The following NRXN1 variants were observed in gnomAD, a reference collection of about 807,000 sequenced individuals.
NRXN1 encodes the protein neurexin-1.
A neutral mutation model predicts 150.9 loss-of-function variants in NRXN1; 39 were observed. The ratio of observed to expected loss-of-function variants is 0.26; its 90% confidence interval spans 0.20 to 0.34. The LOEUF is 0.34. Ranked by LOEUF, NRXN1 falls within the 10% of genes least tolerant of loss-of-function variation. The pLI, the probability that NRXN1 is intolerant of heterozygous loss-of-function variation, is 1.00. For synonymous variants in NRXN1, 924 were observed against 757.0 expected, an observed-to-expected ratio of 1.22 and a Z score of -3.62; for missense variants, 1,815 against 1,949.9, an observed-to-expected ratio of 0.93 and a Z score of 1.30.
chr2:50,312,819 T>C (rs2075288603), intron 17 of NRXN1: 1 of 493,668 alleles, frequency 2.0e-6, no homozygotes, highest in African/African-American at 1.9e-5. Flanking sequence ...ATGGTAAAAT[T>C]AAACCACCCT....
At chr2:50,782,948 T>C (rs934756247) in intron 5 of NRXN1, among the ~76,000 whole-genome samples, 9 of 152,176 alleles carry the variant, frequency 5.9e-5, no homozygotes, top group Non-Finnish European at 1.5e-5. Context: ...AACTAACTCA[T>C]AGCATTTTTT....
intron 2 of NRXN1, among the ~76,000 whole-genome samples, chr2:50,993,420 T>A (rs923989693): frequency 2.6e-5 from 4 of 151,912 alleles, no homozygotes; most frequent in African/African-American, 9.7e-5. Flanking sequence ...CCTTTGATTC[T>A]CAGATATTTT....
intron 2 of NRXN1, among the ~76,000 whole-genome samples, chr2:50,982,763 G>C (rs1272168488): frequency 3.3e-5 from 5 of 152,014 alleles, no homozygotes; most frequent in Admixed American, 6.6e-5. Context: ...TGCATGTCTA[G>C]TTGATCATTT....
chr2:50,186,692 G>A (rs544469910), intron 18 of NRXN1, among the ~76,000 whole-genome samples: 130 of 152,106 alleles, frequency 8.5e-4, no homozygotes, highest in Non-Finnish European at 1.4e-3. Context: ...CTCAAAGGCC[G>A]AAAAGACATA....
chr2:50,170,470 C>T (rs1454231501), intron 18 of NRXN1, among the ~76,000 whole-genome samples: 1 of 151,834 alleles, frequency 6.6e-6, no homozygotes, highest in Non-Finnish European at 1.5e-5. Flanking sequence ...TAATTTTTTG[C>T]AGTTTTACTA....
chr2:50,871,660 G>A (rs75499332), intron 5 of NRXN1, among the ~76,000 whole-genome samples: 7,806 of 151,672 alleles, frequency 0.051, 235 homozygotes, highest in East Asian at 0.069. Flanking sequence ...TTTTGGTGGA[G>A]AGTGTTGGGA....
At chr2:50,904,966 T>A (rs1166248553) in intron 5 of NRXN1, among the ~76,000 whole-genome samples, 1 of 152,120 alleles carries the variant, frequency 6.6e-6, no homozygotes, top group Non-Finnish European at 1.5e-5. Context: ...CCAATTCAAC[T>A]ACTCCAATGT....
At chr2:50,264,595 G>A (rs2068644829) in intron 17 of NRXN1, among the ~76,000 whole-genome samples, 1 of 151,942 alleles carries the variant, frequency 6.6e-6, no homozygotes, top group South Asian at 2.1e-4. Flanking sequence ...ATAAATCAAT[G>A]CAAGAGGTGA....
intron 17 of NRXN1, among the ~76,000 whole-genome samples, chr2:50,266,743 CAG>C (rs1231929546): frequency 3.3e-5 from 5 of 152,010 alleles, no homozygotes; most frequent in Admixed American, 3.3e-4. Context: ...CTTTGCCTAA[CAG>C]ACTCTTCCCT....
At chr2:50,485,438 G>A (rs2090798259) in intron 15 of NRXN1, among the ~76,000 whole-genome samples, 1 of 152,246 alleles carries the variant, frequency 6.6e-6, no homozygotes, top group South Asian at 2.1e-4. Flanking sequence ...AGCCTAGCAA[G>A]GCAGCTCTCA....
At chr2:49,995,863 A>G (rs1157871499) in intron 21 of NRXN1, among the ~76,000 whole-genome samples, 1 of 23,956 alleles carries the variant, frequency 4.2e-5, no homozygotes, top group Non-Finnish European at 1.0e-4. Context: ...CTGGATAGTA[A>G]AAAAAAAAAA....
intron 2 of NRXN1, among the ~76,000 whole-genome samples, chr2:51,010,378 T>C (rs1667655675): frequency 6.6e-6 from 1 of 152,080 alleles, no homozygotes; most frequent in African/African-American, 2.4e-5. Flanking sequence ...TTGACATTTA[T>C]TTATACTCGC....
At chr2:50,259,696 T>A (rs1342273849) in intron 17 of NRXN1, among the ~76,000 whole-genome samples, 1 of 151,870 alleles carries the variant, frequency 6.6e-6, no homozygotes, top group Non-Finnish European at 1.5e-5. Flanking sequence ...GAAACACACA[T>A]GAATTGGCTT....
intron 8 of NRXN1, among the ~76,000 whole-genome samples, chr2:50,603,532 T>G (rs1256892023): frequency 1.3e-5 from 2 of 152,124 alleles, no homozygotes; most frequent in African/African-American, 4.8e-5. Context: ...GGATTTGGTT[T>G]GTTAGTTTGC....
intron 19 of NRXN1, among the ~76,000 whole-genome samples, chr2:50,073,159 A>T (rs998215713): frequency 8.5e-5 from 13 of 152,150 alleles, no homozygotes; most frequent in African/African-American, 3.1e-4. Flanking sequence ...CTGGACTGTC[A>T]TGTCACCTAG....
chr2:50,125,005 G>A (rs1201901464), intron 18 of NRXN1, among the ~76,000 whole-genome samples: 2 of 151,978 alleles, frequency 1.3e-5, no homozygotes, highest in Non-Finnish European at 2.9e-5. Flanking sequence ...TACAAACATA[G>A]ATATGTATGT....
chr2:50,160,962 G>C (rs899795715), intron 18 of NRXN1, among the ~76,000 whole-genome samples: 11 of 152,040 alleles, frequency 7.2e-5, no homozygotes, highest in African/African-American at 2.7e-4. Context: ...ATTATATATG[G>C]TGTGTATGAT....
intron 18 of NRXN1, among the ~76,000 whole-genome samples, chr2:50,219,941 T>G (rs2063699541): frequency 2.5e-5 from 2 of 81,518 alleles, no homozygotes; most frequent in Admixed American, 1.4e-4. Flanking sequence ...ATATATTATA[T>G]ATTATATATA....
intron 17 of NRXN1, among the ~76,000 whole-genome samples, chr2:50,240,612 C>A (rs2065919296): frequency 6.6e-6 from 1 of 151,614 alleles, no homozygotes; most frequent in Non-Finnish European, 1.5e-5. Context: ...CTTACTGAAG[C>A]AGAATAGCTT....
Sources: gnomAD v4.1 joint callset for allele counts (sites outside exome capture counted in the v4.1 genomes callset) on GRCh38, gnomAD v4.1.1 for gene constraint, MANE v1.5 for transcripts, NCBI Gene and HGNC (gene_info 2026-07-23, HGNC 2026-07-21) for gene names.